PRKCA: variants seen among roughly 807,000 people sequenced by gnomAD.
PRKCA encodes protein kinase C alpha.
A neutral mutation model predicts 87.0 loss-of-function variants in PRKCA; 27 were observed. The ratio of observed to expected loss-of-function variants is 0.31; its 90% CI spans 0.23 to 0.43. The LOEUF is 0.43. PRKCA is among the 20% of genes least tolerant of loss of function. The pLI is 1.00. For missense variants in PRKCA, 518 were observed against 852.3 expected, an observed-to-expected ratio of 0.61 and a Z score of 4.88; for synonymous variants, 329 against 311.1, an observed-to-expected ratio of 1.06 and a Z score of -0.61.
chr17:66,543,950 G>A (rs975872162), intron 3 of PRKCA, among the ~76,000 whole-genome samples: 4 of 152,128 alleles, frequency 2.6e-5, no homozygotes, highest in Non-Finnish European at 4.4e-5. Context: ...TGTGGCTCAC[G>A]CCTGTAATCC....
chr17:66,380,155 T>C (rs1909698642), intron 2 of PRKCA, among the ~76,000 whole-genome samples: 1 of 151,698 alleles, frequency 6.6e-6, no homozygotes, highest in Non-Finnish European at 1.5e-5. Flanking sequence ...AGTGAGCAAT[T>C]TGAGAAGCAC....
At chr17:66,425,863 A>G (rs1052193297) in intron 2 of PRKCA, among the ~76,000 whole-genome samples, 1 of 152,146 alleles carries the variant, frequency 6.6e-6, no homozygotes, top group African/African-American at 2.4e-5. Context: ...GGTGCCGGTT[A>G]GGAGGAGGAA....
chr17:66,527,929 A>G (rs112087370), intron 3 of PRKCA, among the ~76,000 whole-genome samples: 4,324 of 152,294 alleles, frequency 0.028, 190 homozygotes, highest in African/African-American at 0.098. Flanking sequence ...TGGGCGCGGT[A>G]GCTCACGCCT....
chr17:66,370,206 G>A (rs908072044), intron 2 of PRKCA, among the ~76,000 whole-genome samples: 6 of 147,084 alleles, frequency 4.1e-5, no homozygotes, highest in Non-Finnish European at 5.9e-5. Context: ...TGAATGAAGC[G>A]ATAAATAAAG....
chr17:66,749,786 G>T (rs1185614349), intron 13 of PRKCA, among the ~76,000 whole-genome samples: 1 of 152,146 alleles, frequency 6.6e-6, no homozygotes, highest in African/African-American at 2.4e-5. Flanking sequence ...AGACTGAGAG[G>T]GGTGGAACTC....
intron 2 of PRKCA, among the ~76,000 whole-genome samples, chr17:66,425,902 C>G (rs1040383645): frequency 2.6e-5 from 4 of 152,046 alleles, no homozygotes; most frequent in Non-Finnish European, 5.9e-5. Flanking sequence ...GGTATGGTGT[C>G]ACCACACATA....
intron 2 of PRKCA, among the ~76,000 whole-genome samples, chr17:66,396,887 A>G (rs1286812550): frequency 3.3e-5 from 5 of 149,260 alleles, no homozygotes; most frequent in Non-Finnish European, 4.4e-5. Context: ...TTCTACATAC[A>G]TATTTATATG....
chr17:66,520,664 A>G (rs1248357012), intron 3 of PRKCA, among the ~76,000 whole-genome samples: 3 of 152,180 alleles, frequency 2.0e-5, no homozygotes, highest in African/African-American at 7.2e-5. Flanking sequence ...TTTCCCCTAA[A>G]TTTCAGGTAT....
At chr17:66,307,803 C>T (rs1435272452) in intron 2 of PRKCA, among the ~76,000 whole-genome samples, 1 of 152,086 alleles carries the variant, frequency 6.6e-6, no homozygotes, top group African/African-American at 2.4e-5. Flanking sequence ...AAAAGTGAAA[C>T]CCATAAAAAT....
rs143442890 is a variant in PRKCA, at chr17:66,423,594, C to CG, written c.206-72607_206-72606insG. Among the ~76,000 whole-genome samples, 38 of 152,350 alleles carry CG rather than the reference C, an allele frequency of 2.5e-4. No individual in the cohort carries two copies. The East Asian group carries it at 7.1e-3, about 29-fold the overall frequency. ...GGAAGTCATCTGACAGTCCTGGTCA[C>CG]TGTCTGTGCTTTAAAGCTGGCTGTT... On this transcript the variant is annotated intron_variant, in intron 2 of 16. Transcript: ENST00000413366.
intron 3 of PRKCA, among the ~76,000 whole-genome samples, chr17:66,527,696 C>G (rs1052982330): frequency 6.6e-6 from 1 of 152,188 alleles, no homozygotes; most frequent in Non-Finnish European, 1.5e-5. Context: ...GTTTATTCTT[C>G]TTTCTACTTT....
chr17:66,579,045 G>A (rs945690235), intron 3 of PRKCA, among the ~76,000 whole-genome samples: 2 of 152,196 alleles, frequency 1.3e-5, no homozygotes, highest in African/African-American at 4.8e-5. Context: ...TGCATCTGTG[G>A]TGGCTGCTGC....
chr17:66,709,405 G>A (rs1412736087), intron 8 of PRKCA, among the ~76,000 whole-genome samples: 2 of 147,006 alleles, frequency 1.4e-5, no homozygotes, highest in East Asian at 4.0e-4. Context: ...TCCACTCCCG[G>A]GTTCAAGCAA....
At chr17:66,734,700 C>T (rs986982755) in intron 9 of PRKCA, among the ~76,000 whole-genome samples, 1 of 152,118 alleles carries the variant, frequency 6.6e-6, no homozygotes, top group Non-Finnish European at 1.5e-5. Flanking sequence ...GGAATGCGGC[C>T]CAGCAGATCT....
At chr17:66,587,603 AGATT>A (rs969732585) in intron 3 of PRKCA, among the ~76,000 whole-genome samples, 6 of 151,458 alleles carry the variant, frequency 4.0e-5, no homozygotes, top group Admixed American at 1.3e-4. Context: ...ATAGATAGAT[AGATT>A]GATTGATTAG....
At chr17:66,526,872 A>G (rs925301307) in intron 3 of PRKCA, among the ~76,000 whole-genome samples, 2 of 152,204 alleles carry the variant, frequency 1.3e-5, no homozygotes, top group African/African-American at 4.8e-5. Flanking sequence ...GAGATGGTGA[A>G]GAAGCAGTTT....
chr17:66,755,148 A>G (rs571858663), intron 13 of PRKCA, among the ~76,000 whole-genome samples: 6 of 152,200 alleles, frequency 3.9e-5, no homozygotes, highest in Non-Finnish European at 8.8e-5. Context: ...CCTTGGAAGC[A>G]TTCCATGAAG....
intron 13 of PRKCA, among the ~76,000 whole-genome samples, chr17:66,764,291 G>C (rs1015741377): frequency 6.6e-6 from 1 of 152,190 alleles, no homozygotes; most frequent in Non-Finnish European, 1.5e-5. Flanking sequence ...CCGTCCTCAA[G>C]CTCTCCCAGG....
At chr17:66,748,226 G>A (rs1441357543) in intron 13 of PRKCA, among the ~76,000 whole-genome samples, 3 of 152,174 alleles carry the variant, frequency 2.0e-5, no homozygotes, top group East Asian at 1.9e-4. Context: ...CAGCTTCTGC[G>A]TTCCCGCCCT....
Sources: allele counts gnomAD v4.1 joint callset (sites outside exome capture counted in the v4.1 genomes callset), GRCh38; gene constraint gnomAD v4.1.1; transcripts MANE v1.5; gene names NCBI Gene and HGNC (gene_info 2026-07-23, HGNC 2026-07-21).